NDUFB5: variants seen among roughly 807,000 people sequenced by gnomAD.
The protein encoded by NDUFB5 is NADH:ubiquinone oxidoreductase subunit B5.
Under a neutral mutation model 19.4 loss-of-function variants are expected in NDUFB5, and 19 were observed. The ratio of observed to expected loss-of-function variants is 0.98; its 90% confidence interval spans 0.68 to 1.43. The LOEUF (loss-of-function observed/expected upper bound fraction) is 1.43, where lower values mean the gene tolerates loss of function less well. Among genes scored for constraint, NDUFB5 ranks in the 40% most tolerant of loss-of-function variants. The pLI is 0.00. For synonymous variants in NDUFB5, 80 were observed against 82.6 expected (o/e 0.97, Z 0.17); for missense variants, 233 against 236.5 (o/e 0.99, Z 0.10).
At chr3:179,614,136 C>T (rs997992354) in intron 1 of NDUFB5, among the ~76,000 whole-genome samples, 4 of 152,184 alleles carry the variant, frequency 2.6e-5, no homozygotes, top group Admixed American at 1.3e-4. Flanking sequence ...ACAGCTAGAT[C>T]CTTTCCTGTT....
intron 3 of NDUFB5, among the ~76,000 whole-genome samples, chr3:179,616,742 A>G (rs955595721): frequency 6.6e-6 from 1 of 152,346 alleles, no homozygotes; most frequent in South Asian, 2.1e-4. Context: ...AAACAAAATG[A>G]GAAACTCATG....
At chr3:179,621,091 C>A (rs189125972) in intron 5 of NDUFB5, among the ~76,000 whole-genome samples, 1 of 151,926 alleles carries the variant, frequency 6.6e-6, no homozygotes, top group African/African-American at 2.4e-5. Flanking sequence ...TTCTTCCCCC[C>A]GCCCGAGACA....
rs1266421663 is a variant in NDUFB5 at position 179,626,276 on chromosome 3, T to C, written c.*2236T>C. On this transcript the variant is annotated 3_prime_UTR_variant, in exon 6 of 6. Coordinates refer to ENST00000259037, the MANE Select transcript of NDUFB5 (RefSeq NM_002492.4). ...GGCCCTTTTTTTAAATTTTTTTTTT[T>C]TTTGAATTGGGGTCACCCAGTCTGG... is the stretch of plus-strand genomic sequence containing the variant. 1 of 152,088 alleles carries C rather than the reference T, an allele frequency of 6.6e-6. No individual in the cohort carries two copies. The highest frequency in any genetic ancestry group is 2.4e-5 in the African/African-American group (1 of 41,416). 9.4% of individuals were successfully genotyped at this position (152,088 alleles called of 1,614,324 possible). A position where few individuals can be genotyped will look rare whatever the true frequency, so the allele number is the denominator to read the frequency against.
chr3:179,624,178 C>T lies in NDUFB5; in HGVS notation c.*138C>T, dbSNP rs1024412586. 31 of 770,974 alleles carry T rather than the reference C, an allele frequency of 4.0e-5. No homozygotes were observed. The highest frequency in any genetic ancestry group is 4.1e-4 in the Middle Eastern group (1 of 2,448). The allele number at this position is 770,974 out of a possible 1,614,324, so 47.8% of individuals were successfully genotyped here. A position where few individuals can be genotyped will look rare whatever the true frequency, so the allele number is the denominator to read the frequency against. ...CTCTCAGTGTTGGTTCAGATTGAGG[C>T]TTTTGTTTGAGGAGTTTGGCTTCCA... On this transcript the variant is annotated 3_prime_UTR_variant, in exon 6 of 6. Coordinates refer to ENST00000259037, the MANE Select transcript of NDUFB5 (RefSeq NM_002492.4).
intron 1 of NDUFB5, among the ~76,000 whole-genome samples, chr3:179,610,220 G>A (rs564757853): frequency 2.0e-5 from 3 of 152,260 alleles, no homozygotes; most frequent in East Asian, 3.9e-4. Context: ...AGCCTCCTGA[G>A]TAGCTGGGAT....
chr3:179,607,808 C>G (rs1323362443), intron 1 of NDUFB5: 1 of 702,646 alleles, frequency 1.4e-6, no homozygotes, highest in Non-Finnish European at 2.6e-6. Context: ...TACTCTATTT[C>G]TCATGTAAGT....
At chr3:179,617,412 A>G (rs1361405654) in intron 4 of NDUFB5, 2 of 157,430 alleles carry the variant, frequency 1.3e-5, no homozygotes, top group Non-Finnish European at 2.8e-5. Context: ...TCCTGGGATT[A>G]AATGTGTGAG....
intron 2 of NDUFB5, chr3:179,615,671 C>T (rs572811347): frequency 5.9e-6 from 3 of 506,624 alleles, no homozygotes; most frequent in Non-Finnish European, 1.1e-5. Flanking sequence ...TTCTCTTGCC[C>T]TTCCGTTGTG....
intron 5 of NDUFB5, among the ~76,000 whole-genome samples, chr3:179,620,337 C>T: frequency 6.6e-6 from 1 of 151,718 alleles, no homozygotes. Context: ...TTAGGTCTAA[C>T]ATTTAGGTCT....
intron 1 of NDUFB5, among the ~76,000 whole-genome samples, chr3:179,606,414 C>T (rs1719102918): frequency 6.6e-6 from 1 of 152,190 alleles, no homozygotes; most frequent in Admixed American, 6.5e-5. Flanking sequence ...TCTTGGGTCA[C>T]TGCAACCTCT....
intron 1 of NDUFB5, chr3:179,607,682 C>G: frequency 1.4e-6 from 1 of 691,232 alleles, no homozygotes. Context: ...TCATCCAACT[C>G]CAGAACTTTT....
intron 1 of NDUFB5, among the ~76,000 whole-genome samples, chr3:179,606,692 A>G (rs990694740): frequency 2.0e-5 from 3 of 152,202 alleles, no homozygotes; most frequent in Non-Finnish European, 4.4e-5. Context: ...TCTTCATTAG[A>G]TATATACTGT....
At chr3:179,609,433 T>C (rs951004170) in intron 1 of NDUFB5, among the ~76,000 whole-genome samples, 2 of 152,164 alleles carry the variant, frequency 1.3e-5, no homozygotes, top group Non-Finnish European at 2.9e-5. Context: ...GGAAGTTTTA[T>C]AGGGTCATAC....
In NDUFB5 at chr3:179,624,046, T is replaced by G. The variant is rs1370916167; in HGVS notation, c.*6T>G. 1.9e-6 allele frequency: 3 copies of G among 1,611,026 alleles called. No homozygotes were observed. The highest frequency in any genetic ancestry group is 2.5e-6 in the Non-Finnish European group (3 of 1,177,858). On this transcript the variant is annotated 3_prime_UTR_variant, in exon 6 of 6. Coordinates refer to ENST00000259037, the MANE Select transcript of NDUFB5 (RefSeq NM_002492.4). ...AAGCAACTCCTGACAATTAAGCATT[T>G]TTTTCTCCAAATACAAAGTATATTC...
rs1719628986 is a variant in NDUFB5 at position 179,624,757 on chromosome 3, A to ATATTAAAT, written c.*718_*725dup. The ATATTAAAT allele has an allele frequency of 6.6e-6, 1 of 150,480 alleles. No individual in the cohort carries two copies. Among genetic ancestry groups the ATATTAAAT allele is most frequent in the African/African-American group, 2.5e-5 (1 of 40,720 alleles). The allele number at this position is 150,480 out of a possible 1,614,324, so 9.3% of individuals were successfully genotyped here. On this transcript the variant is annotated 3_prime_UTR_variant, in exon 6 of 6. Transcript: ENST00000259037. ...AAGCATTTATTGTCTGCTAGACACT[A>ATATTAAAT]TATTAAATAACTGCATTTTTTAACA...
intron 2 of NDUFB5, 69 bp from the exon 3 acceptor site, chr3:179,615,911 TATC>T (rs1719364051): frequency 8.7e-7 from 1 of 1,143,696 alleles, no homozygotes; most frequent in Admixed American, 1.9e-5. Flanking sequence ...GAGGAAATCA[TATC>T]ATGAGGATGA....
chr3:179,614,051 T>C (rs1719314609), intron 1 of NDUFB5, among the ~76,000 whole-genome samples: 1 of 152,194 alleles, frequency 6.6e-6, no homozygotes, highest in Non-Finnish European at 1.5e-5. Context: ...TTTTTTATTC[T>C]ACAGTGACTC....
rs763476884 is a variant in NDUFB5 at position 179,616,053 on chromosome 3, A to G, written c.280+4A>G. The G allele has an allele frequency of 3.7e-6, 6 of 1,612,442 alleles. No homozygotes were observed. The highest frequency in any genetic ancestry group is 5.1e-6 in the Non-Finnish European group (6 of 1,178,760). ...ACTCTGGTGAATGTATTCATTGGTA[A>G]GTCACTTCCATCCCCTGCCAGCACC... On this transcript the variant is annotated splice_donor_region_variant and intron_variant, in intron 3 of 5. Transcript: ENST00000259037.
chr3:179,619,022 A>G lies in NDUFB5; in HGVS notation c.449+501A>G, dbSNP rs568212348. On this transcript the variant is annotated intron_variant, in intron 5 of 5. Transcript: ENST00000259037. Reference sequence around the variant, plus strand: ...TGCTCTGTTGCCCCAGCTGGGAAGCAGATGGATGGGTATATCCATCCAGTG... The same window carrying G: ...TGCTCTGTTGCCCCAGCTGGGAAGCGGATGGATGGGTATATCCATCCAGTG... Among the ~76,000 whole-genome samples, 4 of 152,248 alleles carry G rather than the reference A, an allele frequency of 2.6e-5. No individual in the cohort carries two copies. The South Asian group carries it at 8.3e-4, about 32-fold the overall frequency.
Sources: allele counts gnomAD v4.1 joint callset (sites outside exome capture counted in the v4.1 genomes callset), GRCh38; gene constraint gnomAD v4.1.1; transcripts MANE v1.5; gene names NCBI Gene and HGNC (gene_info 2026-07-23, HGNC 2026-07-21).